The following EPB41L3 variants were observed in gnomAD, a reference collection of about 807,000 sequenced individuals.
The protein encoded by EPB41L3 is erythrocyte membrane protein band 4.1 like 3, also known as band 4.1-like protein 3.
A neutral mutation model predicts 127.1 loss-of-function variants in EPB41L3; 57 were observed. The observed-to-expected ratio is 0.45, with a 90% CI of 0.36 to 0.56. The LOEUF (loss-of-function observed/expected upper bound fraction) is 0.56, where lower values mean the gene tolerates loss of function less well. Ranked by LOEUF, EPB41L3 falls within the 20% of genes least tolerant of loss-of-function variation. The probability of loss-of-function intolerance (pLI) is 0.00; values close to 1 mark genes in which losing one functional copy is unlikely to be tolerated. For synonymous variants in EPB41L3, 572 were observed against 549.5 expected (o/e 1.04, Z -0.57); for missense variants, 1,273 against 1,372.2 (o/e 0.93, Z 1.14).
intron 3 of EPB41L3, among the ~76,000 whole-genome samples, chr18:5,450,692 C>T (rs2082178349): frequency 6.6e-6 from 1 of 151,910 alleles, no homozygotes; most frequent in African/African-American, 2.4e-5. Context: ...TGAGTAAATA[C>T]AAACTTAAAA....
Position 5,489,101 on chromosome 18 carries a change from C to T in EPB41L3, c.83G>A (p.Arg28His), listed in dbSNP as rs2090276900. ...EPQEAAGAQG[R>H]AGAPVPEPPK... The stretch of plus-strand genomic sequence containing the variant: ...CGGCTCCGGCACGGGCGCCCCCGCG[C>T]GCCCCTGCGCCCCCGCCGCCTCCTG... Residue 28 changes from arginine to histidine, a missense_variant, in exon 2 of 23, where the codon CGC (arginine) becomes CAC (histidine). Physicochemically the swap from Arg to His is conservative, Grantham distance 29. Coordinates refer to ENST00000341928, the MANE Select transcript of EPB41L3 (RefSeq NM_012307.5). 3 of 1,591,740 alleles carry T rather than the reference C, an allele frequency of 1.9e-6. No homozygotes were observed. Among genetic ancestry groups the T allele is most frequent in the African/African-American group, 1.4e-5 (1 of 72,798 alleles).
chr18:5,420,727 CTCAT>C (rs1053768900), intron 11 of EPB41L3, among the ~76,000 whole-genome samples: 4 of 152,104 alleles, frequency 2.6e-5, no homozygotes, highest in African/African-American at 9.7e-5. Context: ...AAAGTTGGTA[CTCAT>C]TATTTTAGGT....
intron 3 of EPB41L3, chr18:5,463,981 CTTCCACTCCAGGGCT>C (rs1406404517): frequency 6.6e-6 from 1 of 152,286 alleles, no homozygotes. Flanking sequence ...TAAACCGATC[CTTCCACTCCAGGGCT>C]TTCCACTCCA....
intron 3 of EPB41L3, among the ~76,000 whole-genome samples, chr18:5,557,464 A>G (rs1598953523): frequency 6.6e-6 from 1 of 151,904 alleles, no homozygotes; most frequent in Non-Finnish European, 1.5e-5. Context: ...GCCCACCCCA[A>G]CCCTCCGCCT....
intron 3 of EPB41L3, among the ~76,000 whole-genome samples, chr18:5,582,475 C>T (rs544664229): frequency 2.6e-5 from 4 of 152,318 alleles, no homozygotes; most frequent in African/African-American, 7.2e-5. Context: ...CTGGAGCCTA[C>T]AATTTAATTT....
chr18:5,441,753 C>T (rs550086522), intron 5 of EPB41L3, among the ~76,000 whole-genome samples: 340 of 152,278 alleles, frequency 2.2e-3, no homozygotes, highest in African/African-American at 7.5e-3. Context: ...CGTGAGCCAC[C>T]GCGCCCGGCC....
intron 3 of EPB41L3, among the ~76,000 whole-genome samples, chr18:5,585,140 C>A (rs1260440556): frequency 6.6e-6 from 1 of 152,136 alleles, no homozygotes; most frequent in Non-Finnish European, 1.5e-5. Flanking sequence ...TTAGCTTTTG[C>A]TCTCTTTGAG....
upstream of EPB41L3, among the ~76,000 whole-genome samples, chr18:5,630,067 C>A (rs2094975300): frequency 6.6e-6 from 1 of 152,224 alleles, no homozygotes; most frequent in Non-Finnish European, 1.5e-5. Flanking sequence ...CCGCGCCCGG[C>A]TTCCGCGGCA....
intron 3 of EPB41L3, among the ~76,000 whole-genome samples, chr18:5,553,606 A>G (rs2093993988): frequency 6.6e-6 from 1 of 152,206 alleles, no homozygotes; most frequent in Admixed American, 6.5e-5. Flanking sequence ...AGAGTTTGAG[A>G]AAAAGGGCAA....
chr18:5,561,083 T>C (rs1205559433), intron 3 of EPB41L3, among the ~76,000 whole-genome samples: 1 of 147,884 alleles, frequency 6.8e-6, no homozygotes, highest in Non-Finnish European at 1.5e-5. Flanking sequence ...GTTCACGCCA[T>C]TCTCCTGCCT....
At chr18:5,442,316 C>T (rs893728964) in intron 5 of EPB41L3, among the ~76,000 whole-genome samples, 2 of 152,126 alleles carry the variant, frequency 1.3e-5, no homozygotes, top group Admixed American at 6.5e-5. Flanking sequence ...TTTCTATTAA[C>T]CTAATTTGTT....
intron 3 of EPB41L3, among the ~76,000 whole-genome samples, chr18:5,463,148 C>G (rs547308411): frequency 2.6e-5 from 4 of 152,346 alleles, no homozygotes; most frequent in African/African-American, 9.6e-5. Context: ...TGGTTCTCAG[C>G]ATCTCCTGCC....
intron 3 of EPB41L3, among the ~76,000 whole-genome samples, chr18:5,459,881 T>C (rs1336202849): frequency 6.6e-6 from 1 of 152,248 alleles, no homozygotes; most frequent in Non-Finnish European, 1.5e-5. Flanking sequence ...CTCTAGAAGA[T>C]GACTTTTAAA....
chr18:5,529,774 T>C (rs970395270), intron 1 of EPB41L3, among the ~76,000 whole-genome samples: 1 of 152,154 alleles, frequency 6.6e-6, no homozygotes, highest in Non-Finnish European at 1.5e-5. Context: ...TACCTTCCTA[T>C]CTGGAGGATT....
intron 1 of EPB41L3, among the ~76,000 whole-genome samples, chr18:5,541,920 A>G (rs2093741292): frequency 6.6e-6 from 1 of 152,240 alleles, no homozygotes. Flanking sequence ...GCTAAAGTGT[A>G]TTAACTAAAT....
intron 3 of EPB41L3, among the ~76,000 whole-genome samples, chr18:5,595,760 G>A (rs927154117): frequency 3.9e-5 from 6 of 152,056 alleles, no homozygotes; most frequent in African/African-American, 1.4e-4. Flanking sequence ...CAGAATTCCT[G>A]GACATGTGCT....
chr18:5,630,531 G>A (rs1555829578), upstream of EPB41L3: 2 of 517,746 alleles, frequency 3.9e-6, no homozygotes, highest in Non-Finnish European at 7.7e-6. Flanking sequence ...CGAATTCTCC[G>A]GGGTCCAGTC....
chr18:5,396,441 T>C (rs1057450261), intron 18 of EPB41L3, 109 bp from the exon 19 acceptor site: 3 of 1,313,080 alleles, frequency 2.3e-6, no homozygotes, highest in African/African-American at 1.5e-5. Flanking sequence ...ATGCTATAAA[T>C]GTTTATGTAG....
At chr18:5,521,459 TACTC>T (rs1212049684) in intron 1 of EPB41L3, 8 of 152,320 alleles carry the variant, frequency 5.3e-5, no homozygotes, top group South Asian at 4.1e-4. Flanking sequence ...GTGTCACTGA[TACTC>T]AATCATTTAT....
Sources: allele counts gnomAD v4.1 joint callset (sites outside exome capture counted in the v4.1 genomes callset), GRCh38; gene constraint gnomAD v4.1.1; transcripts MANE v1.5; gene names NCBI Gene and HGNC (gene_info 2026-07-23, HGNC 2026-07-21).